The following LARGE1 variants were observed in gnomAD, a reference collection of about 807,000 sequenced individuals.
LARGE1 encodes the protein LARGE xylosyl- and glucuronyltransferase 1.
Under a neutral mutation model 87.6 loss-of-function variants are expected in LARGE1, and 43 were observed. The observed-to-expected ratio is 0.49, with a 90% confidence interval of 0.38 to 0.63. The LOEUF is 0.63. LARGE1 is among the 30% of genes least tolerant of loss of function. LARGE1 has a pLI of 0.00. For synonymous variants in LARGE1, 434 were observed against 394.6 expected, an observed-to-expected ratio of 1.10 and a Z score of -1.18; for missense variants, 802 against 1,000.2, an observed-to-expected ratio of 0.80 and a Z score of 2.67.
the LARGE1 span, among the ~76,000 whole-genome samples, chr22:33,131,657 A>G: frequency 6.6e-6 from 1 of 152,200 alleles, no homozygotes; most frequent in Non-Finnish European, 1.5e-5. Context: ...GTGAGACGTA[A>G]TCACTATCAC....
chr22:33,726,161 A>T (rs1248631048), intron 2 of LARGE1: 1 of 151,090 alleles, frequency 6.6e-6, no homozygotes, highest in African/African-American at 2.4e-5. Flanking sequence ...AAAAGATCAC[A>T]GTGGGCAACA....
At chr22:33,763,116 C>G (rs902322320) in intron 1 of LARGE1, among the ~76,000 whole-genome samples, 1 of 152,220 alleles carries the variant, frequency 6.6e-6, no homozygotes, top group African/African-American at 2.4e-5. Context: ...CCCACCCCAT[C>G]AGATCCACCT....
rs552921212 is a variant in LARGE1, at chr22:33,895,761, C to T, written c.-83+24234G>A. Among the ~76,000 whole-genome samples the T allele has an allele frequency of 2.6e-5, 4 of 152,268 alleles. No homozygotes were observed. The East Asian group carries it at 5.8e-4, about 22-fold the overall frequency. Reference sequence around the variant, plus strand: ...GGTCTTACATAAGGAAATGTAATCACAGAAGTGACATCCTTCGCCTCTGCT... The same window carrying T: ...GGTCTTACATAAGGAAATGTAATCATAGAAGTGACATCCTTCGCCTCTGCT... On this transcript the variant is annotated intron_variant, in intron 1 of 14. Transcript: ENST00000397394.
chr22:33,077,633 A>AG, the LARGE1 span, among the ~76,000 whole-genome samples: 3 of 152,170 alleles, frequency 2.0e-5, no homozygotes, highest in Admixed American at 2.0e-4. Flanking sequence ...TAGAAAGAGA[A>AG]GGGGTATTTG....
Position 33,259,302 on chromosome 22 carries a change from C to A in LARGE1, c.1730+44927G>T, listed in dbSNP as rs147040093. 2.6e-5 allele frequency among the ~76,000 whole-genome samples: 4 copies of A among 151,270 alleles called. No individual in the cohort carries two copies. In the East Asian group the frequency reaches 7.8e-4, roughly 29 times the overall value. The stretch of plus-strand genomic sequence containing the variant: ...AGAAGGCAGATTCAATTACTATCCA[C>A]GAGAAATCCAAAGGGCAACACACAC... On this transcript the variant is annotated intron_variant, in intron 11 of 11. Transcript: ENST00000608642.
At chr22:33,644,037 G>A (rs1005522109) in intron 3 of LARGE1, among the ~76,000 whole-genome samples, 4 of 152,124 alleles carry the variant, frequency 2.6e-5, no homozygotes, top group African/African-American at 7.2e-5. Flanking sequence ...TAAAAAAAGA[G>A]GGATTCCTCC....
chr22:33,452,530 A>G (rs899543188), intron 6 of LARGE1, among the ~76,000 whole-genome samples: 1 of 152,222 alleles, frequency 6.6e-6, no homozygotes. Context: ...CACAAGCTCA[A>G]TCTGGAAAAC....
At chr22:33,922,270 C>CT (rs1491122668), upstream of LARGE1, among the ~76,000 whole-genome samples, 3 of 9,280 alleles carry the variant, frequency 3.2e-4, no homozygotes, top group African/African-American at 4.1e-4. Flanking sequence ...CGAGGTCGGG[C>CT]TGGGGGGGTG....
chr22:33,858,529 G>C (rs1668525390), intron 1 of LARGE1, among the ~76,000 whole-genome samples: 1 of 152,064 alleles, frequency 6.6e-6, no homozygotes, highest in Admixed American at 6.6e-5. Flanking sequence ...TCCTGTTTTT[G>C]CCTAATTAGC....
intron 6 of LARGE1, among the ~76,000 whole-genome samples, chr22:33,485,095 T>C (rs1366386215): frequency 6.6e-6 from 1 of 151,674 alleles, no homozygotes; most frequent in East Asian, 1.9e-4. Flanking sequence ...GTATTTTTAG[T>C]AGAGACTGGG....
intron 11 of LARGE1, among the ~76,000 whole-genome samples, chr22:33,206,980 A>G (rs1027252904): frequency 2.0e-5 from 3 of 152,190 alleles, no homozygotes; most frequent in African/African-American, 7.2e-5. Context: ...TCTCCGGTGC[A>G]GAACTGCCTT....
intron 9 of LARGE1, among the ~76,000 whole-genome samples, chr22:33,359,538 C>T (rs114091558): frequency 0.021 from 3,237 of 150,780 alleles, 111 homozygotes; most frequent in African/African-American, 0.075. Context: ...ACCCTTAGAA[C>T]GACCCTGTAT....
intron 2 of LARGE1, among the ~76,000 whole-genome samples, chr22:33,719,172 A>G (rs1346466258): frequency 6.6e-6 from 1 of 152,260 alleles, no homozygotes; most frequent in Non-Finnish European, 1.5e-5. Flanking sequence ...GTAAGGATAT[A>G]AAACATTTTT....
chr22:33,495,353 G>T (rs1375895726), intron 6 of LARGE1, among the ~76,000 whole-genome samples: 2 of 152,148 alleles, frequency 1.3e-5, no homozygotes, highest in Non-Finnish European at 1.5e-5. Context: ...TGCCTTGGTC[G>T]CCTTATGCAG....
chr22:33,892,749 T>G (rs2065035917), intron 1 of LARGE1, among the ~76,000 whole-genome samples: 2 of 151,740 alleles, frequency 1.3e-5, no homozygotes, highest in African/African-American at 4.8e-5. Flanking sequence ...AATATTAGTT[T>G]GCTACAGGTC....
In LARGE1 at chr22:33,442,599, C is replaced by A. The variant is rs1428581762; in HGVS notation, c.788-10334G>T. ...GAAGACCTCAAAGCTGCCTTCCAAC[C>A]TGATTGGGAGCTCTCTTTATGCTAT... On this transcript the variant is annotated intron_variant, in intron 6 of 14. Transcript: ENST00000397394. Among the ~76,000 whole-genome samples the A allele has an allele frequency of 2.0e-5, 3 of 152,260 alleles. No individual in the cohort carries two copies. In the East Asian group the frequency reaches 5.8e-4, roughly 29 times the overall value.
At chr22:33,519,000 C>A (rs11703311) in intron 6 of LARGE1, among the ~76,000 whole-genome samples, 103 of 152,174 alleles carry the variant, frequency 6.8e-4, no homozygotes, top group Non-Finnish European at 1.2e-3. Flanking sequence ...CTAGTTGGAA[C>A]TTACCTAAAA....
chr22:33,823,855 G>A (rs969081125), intron 1 of LARGE1, among the ~76,000 whole-genome samples: 8 of 152,120 alleles, frequency 5.3e-5, no homozygotes, highest in East Asian at 1.9e-4. Flanking sequence ...TAAAGGGCAC[G>A]TCTCGATACA....
At chr22:33,109,515 T>A in the LARGE1 span, among the ~76,000 whole-genome samples, 1 of 152,182 alleles carries the variant, frequency 6.6e-6, no homozygotes, top group Non-Finnish European at 1.5e-5. Context: ...AGTCATCGCC[T>A]GCCAAAAGGT....
Sources: allele counts gnomAD v4.1 joint callset (sites outside exome capture counted in the v4.1 genomes callset), GRCh38; gene constraint gnomAD v4.1.1; transcripts MANE v1.5; gene names NCBI Gene and HGNC (gene_info 2026-07-23, HGNC 2026-07-21).